The following CPA6 variants were observed in gnomAD, a reference collection of about 807,000 sequenced individuals.
CPA6 encodes carboxypeptidase B.
Under a neutral mutation model 63.3 loss-of-function variants are expected in CPA6, and 58 were observed. The ratio of observed to expected loss-of-function variants is 0.92; its 90% confidence interval spans 0.74 to 1.14. The LOEUF (loss-of-function observed/expected upper bound fraction) is 1.14. CPA6 is among the 50% of genes most tolerant of loss of function. The pLI is 0.00. For synonymous variants in CPA6, 185 were observed against 179.0 expected (o/e 1.03, Z -0.27); for missense variants, 565 against 526.6 (o/e 1.07, Z -0.71).
intron 1 of CPA6, among the ~76,000 whole-genome samples, chr8:67,663,360 C>CT (rs1252550982): frequency 1.3e-5 from 2 of 151,940 alleles, no homozygotes; most frequent in African/African-American, 2.4e-5. Flanking sequence ...CAAGCACAAA[C>CT]TTTTTTTTAT....
chr8:67,508,162 C>T (rs1455693315), intron 5 of CPA6, among the ~76,000 whole-genome samples: 1 of 151,860 alleles, frequency 6.6e-6, no homozygotes, highest in Non-Finnish European at 1.5e-5. Context: ...GAGGCCACTA[C>T]TGCAATAGTC....
At chr8:67,606,558 G>A (rs1161254988) in intron 2 of CPA6, among the ~76,000 whole-genome samples, 1 of 152,080 alleles carries the variant, frequency 6.6e-6, no homozygotes, top group African/African-American at 2.4e-5. Flanking sequence ...CATTTATGGT[G>A]CCCAGCAGAG....
Position 67,610,195 on chromosome 8 carries a change from A to G in CPA6, c.192+13981T>C, listed in dbSNP as rs1008949626. 3.9e-5 allele frequency among the ~76,000 whole-genome samples: 6 copies of G among 152,142 alleles called. No homozygotes were observed. The East Asian group carries it at 5.8e-4, about 15-fold the overall frequency. On this transcript the variant is annotated intron_variant, in intron 2 of 10. Transcript: ENST00000297770. ...TTCGAGACCAACCTGGGCAACATGG[A>G]AAGACTCTGACTCTACAAAAAACTT...
intron 2 of CPA6, among the ~76,000 whole-genome samples, chr8:67,526,838 C>A (rs895229374): frequency 6.6e-6 from 1 of 152,054 alleles, no homozygotes; most frequent in Non-Finnish European, 1.5e-5. Context: ...TAGTTCCTGC[C>A]CTCTGAGTGA....
intron 2 of CPA6, among the ~76,000 whole-genome samples, chr8:67,524,876 C>T (rs916467909): frequency 1.3e-5 from 2 of 152,104 alleles, no homozygotes; most frequent in African/African-American, 2.4e-5. Flanking sequence ...GAATTTTGTC[C>T]ACTCATCCCA....
intron 2 of CPA6, among the ~76,000 whole-genome samples, chr8:67,534,742 G>T (rs557590793): frequency 5.9e-5 from 9 of 152,150 alleles, no homozygotes; most frequent in African/African-American, 2.2e-4. Context: ...TATACTTTAA[G>T]TTCTAAGATA....
chr8:67,491,574 C>A (rs1477493894), intron 6 of CPA6, among the ~76,000 whole-genome samples: 1 of 152,014 alleles, frequency 6.6e-6, no homozygotes, highest in Non-Finnish European at 1.5e-5. Flanking sequence ...CATGTCTATT[C>A]TTTTTCCTAA....
intron 1 of CPA6, among the ~76,000 whole-genome samples, chr8:67,642,492 T>C (rs896201721): frequency 1.3e-5 from 2 of 152,110 alleles, no homozygotes; most frequent in Non-Finnish European, 2.9e-5. Flanking sequence ...TTGGACAAAC[T>C]GAATCGAAAC....
intron 1 of CPA6, among the ~76,000 whole-genome samples, chr8:67,708,849 A>G (rs1051212321): frequency 6.6e-6 from 1 of 152,216 alleles, no homozygotes; most frequent in Admixed American, 6.5e-5. Flanking sequence ...TAGGAAGATG[A>G]GCAGAGCAGG....
intron 2 of CPA6, among the ~76,000 whole-genome samples, chr8:67,544,224 G>T (rs7824497): frequency 0.5 from 76,381 of 152,022 alleles, 22,546 homozygotes; most frequent in East Asian, 0.7. Flanking sequence ...TCAGGTTTGA[G>T]ATAAATCCAG....
intron 2 of CPA6, among the ~76,000 whole-genome samples, chr8:67,548,688 T>G (rs1812877121): frequency 6.6e-6 from 1 of 152,218 alleles, no homozygotes; most frequent in Non-Finnish European, 1.5e-5. Flanking sequence ...AAACAAAATA[T>G]TAAATTCCAT....
chr8:67,597,398 G>A (rs1814372512), intron 2 of CPA6, among the ~76,000 whole-genome samples: 1 of 152,066 alleles, frequency 6.6e-6, no homozygotes, highest in Non-Finnish European at 1.5e-5. Flanking sequence ...GTTTCACCAT[G>A]TTGACCAGGA....
At chr8:67,551,388 T>A (rs1812933959) in intron 2 of CPA6, among the ~76,000 whole-genome samples, 2 of 152,230 alleles carry the variant, frequency 1.3e-5, no homozygotes, top group Admixed American at 1.3e-4. Context: ...TATGTGTCTC[T>A]TTTGTACTAG....
intron 2 of CPA6, among the ~76,000 whole-genome samples, chr8:67,613,438 G>T (rs898922430): frequency 3.9e-5 from 6 of 152,182 alleles, no homozygotes; most frequent in African/African-American, 1.4e-4. Context: ...AAAGATGAAT[G>T]GTAAGTCATC....
chr8:67,544,937 G>C (rs1812782226), intron 2 of CPA6, among the ~76,000 whole-genome samples: 1 of 151,958 alleles, frequency 6.6e-6, no homozygotes, highest in Non-Finnish European at 1.5e-5. Context: ...CATTTTTTTG[G>C]GGGGCCATCA....
chr8:67,433,116 C>T (rs1420456189), intron 9 of CPA6, among the ~76,000 whole-genome samples: 1 of 152,224 alleles, frequency 6.6e-6, no homozygotes, highest in Non-Finnish European at 1.5e-5. Flanking sequence ...CTAAAATATA[C>T]ACGTAGAAGA....
At chr8:67,444,549 C>T (rs1276583778) in intron 8 of CPA6, among the ~76,000 whole-genome samples, 2 of 151,432 alleles carry the variant, frequency 1.3e-5, no homozygotes, top group Non-Finnish European at 2.9e-5. Context: ...TGTGGGAGGC[C>T]AAGGTGGGCG....
chr8:67,671,909 C>T (rs529438337), intron 1 of CPA6, among the ~76,000 whole-genome samples: 1 of 152,264 alleles, frequency 6.6e-6, no homozygotes, highest in Admixed American at 6.5e-5. Context: ...TGGCTCACTG[C>T]AACCTCTGTC....
intron 2 of CPA6, among the ~76,000 whole-genome samples, chr8:67,545,628 C>T (rs948026254): frequency 7.9e-5 from 11 of 139,148 alleles, no homozygotes; most frequent in African/African-American, 2.4e-4. Flanking sequence ...AGTACAATGG[C>T]GTGATCTCGG....
Sources: allele counts gnomAD v4.1 joint callset (sites outside exome capture counted in the v4.1 genomes callset), GRCh38; gene constraint gnomAD v4.1.1; transcripts MANE v1.5; gene names NCBI Gene and HGNC (gene_info 2026-07-23, HGNC 2026-07-21).